Variants in SERPINB2 observed in about 807,000 individuals in gnomAD.
SERPINB2 encodes the protein plasminogen activator inhibitor 2.
Under a neutral mutation model 39.4 loss-of-function variants are expected in SERPINB2, and 28 were observed. That is an observed-to-expected ratio of 0.71 (90% CI 0.53 to 0.97). The LOEUF (loss-of-function observed/expected upper bound fraction) is 0.97, where lower values mean the gene tolerates loss of function less well. Among genes scored for constraint, SERPINB2 ranks in the 50% least tolerant of loss-of-function variants. SERPINB2 has a pLI of 0.00. For missense variants in SERPINB2, 557 were observed against 505.3 expected (o/e 1.10, Z -0.98); for synonymous variants, 209 against 175.1 (o/e 1.19, Z -1.53).
rs1180741333 is a variant in SERPINB2 at position 63,903,602 on chromosome 18, T to C, written c.*297T>C. 1.1e-5 allele frequency: 2 copies of C among 182,684 alleles called. No individual in the cohort carries two copies. The highest frequency in any genetic ancestry group is 2.2e-5 in the Non-Finnish European group (2 of 89,244). The allele number at this position is 182,684 out of a possible 1,614,324, so 11.3% of individuals were successfully genotyped here. A position where few individuals can be genotyped will look rare whatever the true frequency, so the allele number is the denominator to read the frequency against. On this transcript the variant is annotated 3_prime_UTR_variant, in exon 8 of 8. Transcript: ENST00000299502. ...CTTTGTTATTTATTATTTTATATAA[T>C]GGTGAGTTTTTAAATTATTGCTCAC...
intron 4 of SERPINB2, 107 bp from the exon 5 acceptor site, chr18:63,897,620 C>G (rs1475101007): frequency 1.2e-6 from 1 of 864,940 alleles, no homozygotes; most frequent in African/African-American, 1.7e-5. Context: ...CCACTCCCAC[C>G]CTACCCCAGG....
intron 1 of SERPINB2, among the ~76,000 whole-genome samples, chr18:63,890,277 A>G (rs1173036377): frequency 6.6e-6 from 1 of 152,152 alleles, no homozygotes; most frequent in Non-Finnish European, 1.5e-5. Context: ...CTTGTTGGAG[A>G]GCAATGCTGT....
intron 1 of SERPINB2, 25 bp from the exon 2 acceptor site, chr18:63,891,411 T>C: frequency 6.2e-7 from 1 of 1,612,402 alleles, no homozygotes; most frequent in East Asian, 2.2e-5. Flanking sequence ...CAGAGCTGTT[T>C]TTTTCTTCCT....
At chr18:63,890,768 T>C (rs2049920653) in intron 1 of SERPINB2, 1 of 152,164 alleles carries the variant, frequency 6.6e-6, no homozygotes, top group Non-Finnish European at 1.5e-5. Context: ...GGCTGTGGTA[T>C]GTGTGGTGCA....
At chr18:63,897,927 C>A in intron 5 of SERPINB2, 83 bp downstream of exon 5, 1 of 890,194 alleles carries the variant, frequency 1.1e-6, no homozygotes, top group Non-Finnish European at 1.8e-6. Flanking sequence ...ACTTAGTTAG[C>A]CCTCACCCCT....
rs150347076 is a variant in SERPINB2, at chr18:63,891,518, C to A, written c.74C>A (p.Thr25Asn). The A allele has an allele frequency of 4.3e-6, 7 of 1,614,214 alleles. No homozygotes were observed. Among genetic ancestry groups the A allele is most frequent in the Non-Finnish European group, 5.9e-6 (7 of 1,180,018 alleles). ...AAGCATCTGGCAAAAGCAAGCCCCA[C>A]CCAGAACCTCTTCCTCTCCCCATGG... Reference protein sequence around the residue: ...LFKHLAKASPTQNLFLSPWSI... With the variant: ...LFKHLAKASPNQNLFLSPWSI... Residue 25 changes from threonine (T) to asparagine (N), a missense_variant, in exon 2 of 8, where the codon ACC becomes AAC. By Grantham distance (65) the Thr-to-Asn change is moderately conservative. Transcript: ENST00000299502.
intron 4 of SERPINB2, 76 bp from the exon 5 acceptor site, chr18:63,897,651 G>T: frequency 9.5e-7 from 1 of 1,047,658 alleles, no homozygotes; most frequent in South Asian, 1.3e-5. Flanking sequence ...TCAATGGGAA[G>T]ACCATAATTC....
chr18:63,901,080 T>G (rs10513932), intron 5 of SERPINB2, among the ~76,000 whole-genome samples: 43,498 of 151,932 alleles, frequency 0.29, 6,821 homozygotes, highest in East Asian at 0.48. Context: ...ACCACACTCA[T>G]TTGTCATTGT....
intron 5 of SERPINB2, among the ~76,000 whole-genome samples, chr18:63,899,214 C>G (rs2049977990): frequency 6.6e-6 from 1 of 152,192 alleles, no homozygotes; most frequent in South Asian, 2.1e-4. Context: ...TTCTTCTCAT[C>G]TCCTCATCTG....
Position 63,897,784 on chromosome 18 carries a change from C to T in SERPINB2, c.475C>T (p.Leu159=). The change falls in exon 5 of 8, where the codon CTA becomes TTA. Residue 159 remains leucine (L), a synonymous_variant. Transcript: ENST00000299502. ...YSSEPQAVDF[L]ECAEEARKKI... is the part of the protein sequence containing the mutation. ...CTCAGAACCCCAGGCAGTAGACTTC[C>T]TAGAATGTGCAGAAGAAGCTAGAAA... The T allele has an allele frequency of 6.2e-7, 1 of 1,613,518 alleles. No homozygotes were observed. Among genetic ancestry groups the T allele is most frequent in the Non-Finnish European group, 8.5e-7 (1 of 1,179,600 alleles).
At chr18:63,900,483 G>A (rs546575595) in intron 5 of SERPINB2, among the ~76,000 whole-genome samples, 1 of 152,274 alleles carries the variant, frequency 6.6e-6, no homozygotes, top group East Asian at 1.9e-4. Flanking sequence ...ACAGCTCCAT[G>A]ATTCCTCCTG....
chr18:63,893,601 G>T (rs1464177934), intron 2 of SERPINB2, among the ~76,000 whole-genome samples: 1 of 152,212 alleles, frequency 6.6e-6, no homozygotes, highest in Non-Finnish European at 1.5e-5. Context: ...CTGTGTTTGA[G>T]TCATGGCTTT....
At position 63,902,966 on chromosome 18, in the gene SERPINB2, T is replaced by C. The variant is rs141221368; in HGVS notation, c.909T>C (p.Asp303=). The stretch of plus-strand genomic sequence containing the variant: ...CCAGCAAAGACAAAATGGCTGAAGA[T>C]GAAGTTGAGGTATACATACCCCAGT... ...KWTSKDKMAE[D]EVEVYIPQFK... Residue 303 remains aspartate, a synonymous_variant, in exon 8 of 8, where the codon GAT becomes GAC. Coordinates refer to ENST00000299502, the MANE Select transcript of SERPINB2 (RefSeq NM_002575.3). 37 of 1,613,460 alleles carry C rather than the reference T, an allele frequency of 2.3e-5. No homozygotes were observed. The highest frequency in any genetic ancestry group is 3.3e-4 in the Middle Eastern group (2 of 6,074).
intron 1 of SERPINB2, among the ~76,000 whole-genome samples, chr18:63,889,368 C>T (rs560402916): frequency 6.6e-6 from 1 of 152,130 alleles, no homozygotes; most frequent in East Asian, 1.9e-4. Context: ...TATCAAGTTA[C>T]CTTAAATTCT....
intron 1 of SERPINB2, chr18:63,890,602 C>T (rs969266475): frequency 2.6e-5 from 4 of 152,172 alleles, no homozygotes; most frequent in Non-Finnish European, 1.5e-5. Context: ...ATGGTTCATA[C>T]CTTGGTGTAT....
At chr18:63,891,752 C>T (rs1304219499) in intron 2 of SERPINB2, 140 bp downstream of exon 2, 2 of 843,414 alleles carry the variant, frequency 2.4e-6, no homozygotes, top group South Asian at 2.0e-5. Flanking sequence ...ATCCTTACAA[C>T]ACAAATTCCT....
At chr18:63,896,863 C>G (rs972132021) in intron 3 of SERPINB2, among the ~76,000 whole-genome samples, 5 of 152,084 alleles carry the variant, frequency 3.3e-5, no homozygotes, top group African/African-American at 4.8e-5. Flanking sequence ...TAAATCCAAT[C>G]CATAGACAGA....
At position 63,895,372 on chromosome 18, in the gene SERPINB2, G is replaced by A. The variant is rs2049952999; in HGVS notation, c.277G>A (p.Ala93Thr). The part of the protein sequence containing the change: ...QQIQKGSYPD[A>T]ILQAQAADKI... ...GATCCAGAAGGGTAGTTATCCTGATGCGATTTTGCAGGTATCTGACTTACT... is the reference window on the plus strand; with the variant it reads ...GATCCAGAAGGGTAGTTATCCTGATACGATTTTGCAGGTATCTGACTTACT... Residue 93 changes from alanine (A) to threonine (T), a missense_variant, in exon 3 of 8, where the codon GCG (alanine) becomes ACG (threonine). By Grantham distance (58) the Ala-to-Thr change is moderately conservative. Transcript: ENST00000299502. 8 of 1,613,958 alleles carry A rather than the reference G, an allele frequency of 5.0e-6. No homozygotes were observed. Among genetic ancestry groups the A allele is most frequent in the Non-Finnish European group, 6.8e-6 (8 of 1,179,944 alleles).
chr18:63,894,656 G>A (rs1427578369), intron 2 of SERPINB2, among the ~76,000 whole-genome samples: 1 of 152,180 alleles, frequency 6.6e-6, no homozygotes, highest in Non-Finnish European at 1.5e-5. Context: ...CAGCTTCCCC[G>A]TGTCAGCCAA....
Sources: gnomAD v4.1 joint callset for allele counts (sites outside exome capture counted in the v4.1 genomes callset) on GRCh38, gnomAD v4.1.1 for gene constraint, MANE v1.5 for transcripts, NCBI Gene and HGNC (gene_info 2026-07-23, HGNC 2026-07-21) for gene names.